The following EDN1 variants were observed in gnomAD, a reference collection of about 807,000 sequenced individuals.
EDN1 encodes the protein endothelin 1, also known as endothelin-1.
EDN1 carries 11 observed loss-of-function variants against 21.7 expected under a neutral mutation model. The ratio of observed to expected loss-of-function variants is 0.51; its 90% confidence interval spans 0.32 to 0.84. EDN1 has a LOEUF of 0.84. Among genes scored for constraint, EDN1 ranks in the 40% least tolerant of loss-of-function variants. The pLI is 0.03. For synonymous variants in EDN1, 85 were observed against 90.6 expected (o/e 0.94, Z 0.35); for missense variants, 244 against 262.3 (o/e 0.93, Z 0.48).
chr6:12,295,871 G>A (rs142929702), intron 4 of EDN1, 91 bp from the exon 5 acceptor site: 2 of 1,350,698 alleles, frequency 1.5e-6, no homozygotes, highest in African/African-American at 1.4e-5. Context: ...TTCAGGTTTT[G>A]TTTGTGCCAG....
At chr6:12,283,346 A>G in the EDN1 span, among the ~76,000 whole-genome samples, 1 of 152,172 alleles carries the variant, frequency 6.6e-6, no homozygotes, top group Non-Finnish European at 1.5e-5. Flanking sequence ...CTTTTATTCA[A>G]TCTCTTCTCT....
the EDN1 span, among the ~76,000 whole-genome samples, chr6:12,254,253 C>T: frequency 6.6e-6 from 1 of 152,282 alleles, no homozygotes; most frequent in Admixed American, 6.5e-5. Flanking sequence ...GGGTCAGCCG[C>T]TTTCTCACCT....
chr6:12,292,369 G>A lies in EDN1; in HGVS notation c.93G>A (p.Val31=). ...TAVLGAELSA[V]GENGGEKPTP... ...TCTTAGGCGCTGAGCTCAGCGCGGT[G>A]GGTGAGAACGGCGGGGAGAAACCCA... is the stretch of plus-strand genomic sequence containing the variant. The change falls in exon 2 of 5, where the codon GTG becomes GTA. Residue 31 remains valine (V), a synonymous_variant. Coordinates refer to ENST00000379375, the MANE Select transcript of EDN1 (RefSeq NM_001955.5). 2 of 1,614,152 alleles carry A rather than the reference G, an allele frequency of 1.2e-6. No individual in the cohort carries two copies. The highest frequency in any genetic ancestry group is 1.7e-6 in the Non-Finnish European group (2 of 1,180,040).
intron 4 of EDN1, among the ~76,000 whole-genome samples, chr6:12,295,030 A>G (rs1762788608): frequency 6.7e-6 from 1 of 149,668 alleles, no homozygotes; most frequent in Admixed American, 6.8e-5. Flanking sequence ...CAGAGAAGGG[A>G]TCTGGATTAG....
chr6:12,235,678 ACT>A, the EDN1 span, among the ~76,000 whole-genome samples: 1 of 152,158 alleles, frequency 6.6e-6, no homozygotes, highest in Non-Finnish European at 1.5e-5. Flanking sequence ...ACTACAGTAG[ACT>A]CTAAAACAGA....
At chr6:12,269,248 TTCTATATGCAAGTTCATATC>T in the EDN1 span, among the ~76,000 whole-genome samples, 1 of 152,136 alleles carries the variant, frequency 6.6e-6, no homozygotes, top group African/African-American at 2.4e-5. Flanking sequence ...CTTTAGGTTT[TTCTATATGCAAGTTCATATC>T]ATTTGCAGAC....
chr6:12,266,760 G>A, the EDN1 span, among the ~76,000 whole-genome samples: 7 of 152,296 alleles, frequency 4.6e-5, no homozygotes, highest in African/African-American at 1.4e-4. Context: ...GAAAGTTTGT[G>A]AGATGGGAGA....
At chr6:12,269,667 T>C in the EDN1 span, among the ~76,000 whole-genome samples, 3 of 152,148 alleles carry the variant, frequency 2.0e-5, no homozygotes, top group Non-Finnish European at 4.4e-5. Flanking sequence ...CACATAATCA[T>C]GATAAGTGAT....
chr6:12,269,853 A>G, the EDN1 span, among the ~76,000 whole-genome samples: 15 of 152,026 alleles, frequency 9.9e-5, no homozygotes, highest in African/African-American at 3.1e-4. Flanking sequence ...CCTCCTTTTC[A>G]ATTTTTTGGA....
the EDN1 span, among the ~76,000 whole-genome samples, chr6:12,282,960 A>C: frequency 1.3e-5 from 2 of 152,210 alleles, no homozygotes; most frequent in African/African-American, 4.8e-5. Flanking sequence ...CAATGTATGC[A>C]GGGGTTTTTA....
the EDN1 span, among the ~76,000 whole-genome samples, chr6:12,247,183 G>A: frequency 6.6e-6 from 1 of 152,184 alleles, no homozygotes; most frequent in African/African-American, 2.4e-5. Flanking sequence ...GGTGGCTGGG[G>A]ATCTCTTTCC....
chr6:12,275,461 A>G, the EDN1 span, among the ~76,000 whole-genome samples: 5 of 152,250 alleles, frequency 3.3e-5, no homozygotes, highest in Admixed American at 3.3e-4. Flanking sequence ...GCAGATCTGT[A>G]GTTGTTTATT....
At chr6:12,286,734 T>C (rs1242308762), upstream of EDN1, among the ~76,000 whole-genome samples, 1 of 152,220 alleles carries the variant, frequency 6.6e-6, no homozygotes, top group Non-Finnish European at 1.5e-5. Flanking sequence ...GTTTTATTTA[T>C]AGATATCTAT....
the EDN1 span, among the ~76,000 whole-genome samples, chr6:12,271,721 G>A: frequency 8.5e-5 from 13 of 152,128 alleles, no homozygotes; most frequent in African/African-American, 3.1e-4. Flanking sequence ...CTTCCAATTG[G>A]AATACTTCCT....
the EDN1 span, among the ~76,000 whole-genome samples, chr6:12,257,335 T>C: frequency 3.2e-4 from 49 of 152,352 alleles, no homozygotes; most frequent in East Asian, 6.6e-3. Context: ...CAAAAAGTTA[T>C]TGACAAACTA....
At chr6:12,241,717 A>C in the EDN1 span, among the ~76,000 whole-genome samples, 1 of 152,178 alleles carries the variant, frequency 6.6e-6, no homozygotes, top group African/African-American at 2.4e-5. Flanking sequence ...TCTCTTACTC[A>C]TGTTCATAGA....
At chr6:12,268,729 A>C in the EDN1 span, among the ~76,000 whole-genome samples, 2 of 152,158 alleles carry the variant, frequency 1.3e-5, no homozygotes, top group African/African-American at 4.8e-5. Context: ...CTTGTAGTAC[A>C]TTTTGAAGTC....
chr6:12,286,391 G>C (rs151114435), upstream of EDN1, among the ~76,000 whole-genome samples: 7 of 152,304 alleles, frequency 4.6e-5, no homozygotes, highest in East Asian at 1.3e-3. Context: ...TGTGTGATGT[G>C]TCACAGGCCT....
At chr6:12,240,638 T>C in the EDN1 span, among the ~76,000 whole-genome samples, 1 of 152,164 alleles carries the variant, frequency 6.6e-6, no homozygotes, top group Admixed American at 6.5e-5. Context: ...ATGAATTTGG[T>C]GGAACTCTGG....
Sources: allele counts gnomAD v4.1 joint callset (sites outside exome capture counted in the v4.1 genomes callset), GRCh38; gene constraint gnomAD v4.1.1; transcripts MANE v1.5; gene names NCBI Gene and HGNC (gene_info 2026-07-23, HGNC 2026-07-21).